Variants in SRP68 observed in about 807,000 individuals in gnomAD.
SRP68 encodes signal recognition particle 68.
A neutral mutation model predicts 82.2 loss-of-function variants in SRP68; 15 were observed. That is an observed-to-expected ratio of 0.18 (90% CI 0.12 to 0.28). The LOEUF is 0.28. Ranked by LOEUF, SRP68 falls within the 10% of genes least tolerant of loss-of-function variation. SRP68 has a pLI of 1.00. For synonymous variants in SRP68, 261 were observed against 292.6 expected, an observed-to-expected ratio of 0.89 and a Z score of 1.10; for missense variants, 595 against 780.5, an observed-to-expected ratio of 0.76 and a Z score of 2.83.
At position 76,070,359 on chromosome 17, in the gene SRP68, T is replaced by C. The variant is rs781175645; in HGVS notation, c.251+19A>G. The C allele has an allele frequency of 2.5e-6, 4 of 1,606,148 alleles. No individual in the cohort carries two copies. Among genetic ancestry groups the C allele is most frequent in the Non-Finnish European group, 1.7e-6 (2 of 1,173,124 alleles). ...CAAGTCCCACAATGATTTCCAAACATCTTGTATGTGATACTAACCTGTACC... is the reference window on the plus strand; with the variant it reads ...CAAGTCCCACAATGATTTCCAAACACCTTGTATGTGATACTAACCTGTACC... On this transcript the variant is annotated intron_variant, in intron 2 of 15. Transcript: ENST00000307877.
intron 12 of SRP68, 81 bp downstream of exon 12, chr17:76,045,211 T>C: frequency 1.1e-5 from 12 of 1,073,820 alleles, no homozygotes; most frequent in Non-Finnish European, 1.7e-5. Flanking sequence ...AACGGTCCCA[T>C]CTGCTGTGGG....
At chr17:76,060,873 T>G (rs1265991398) in intron 6 of SRP68, 1 of 488,256 alleles carries the variant, frequency 2.0e-6, no homozygotes, top group Non-Finnish European at 3.6e-6. Flanking sequence ...GACTCAAGAC[T>G]GCTCTTCGGG....
At chr17:76,060,648 G>A (rs1598266539) in intron 6 of SRP68, 4 of 420,992 alleles carry the variant, frequency 9.5e-6, no homozygotes, top group East Asian at 8.4e-5. Context: ...AACATCAAGC[G>A]TGAACCCTGA....
chr17:76,053,543 T>G, intron 8 of SRP68: 1 of 985,396 alleles, frequency 1.0e-6, no homozygotes, highest in Non-Finnish European at 1.2e-6. Flanking sequence ...TCCCTTTAAC[T>G]AAGCCTCTGC....
Position 76,059,037 on chromosome 17 carries a change from C to T in SRP68, c.837+1271G>A, listed in dbSNP as rs530441901. Among the ~76,000 whole-genome samples the T allele has an allele frequency of 9.9e-5, 15 of 152,082 alleles. No homozygotes were observed. In the East Asian group the frequency reaches 2.5e-3, roughly 26 times the overall value. On this transcript the variant is annotated intron_variant, in intron 7 of 15. Coordinates refer to ENST00000307877, the MANE Select transcript of SRP68 (RefSeq NM_014230.4). ...AACAGATTGCTTGAGCGCAGGAGTT[C>T]GAGAATGAGACCAGCCTGGGAAACA...
intron 2 of SRP68, among the ~76,000 whole-genome samples, chr17:76,068,737 G>A (rs572251478): frequency 6.6e-6 from 1 of 151,934 alleles, no homozygotes; most frequent in South Asian, 2.1e-4. Flanking sequence ...TCACATAGTT[G>A]TCCACTAATA....
At chr17:76,059,995 A>G (rs2066739799) in intron 7 of SRP68, among the ~76,000 whole-genome samples, 1 of 150,126 alleles carries the variant, frequency 6.7e-6, no homozygotes, top group Admixed American at 6.7e-5. Context: ...GCATGGTGGC[A>G]GGCGGCTGTA....
At position 76,063,385 on chromosome 17, in the gene SRP68, T is replaced by G. The variant is rs143205205; in HGVS notation, c.561+591A>C. The stretch of plus-strand genomic sequence containing the variant: ...CTATATATCAAAACATGACCTTTCT[T>G]AAAAAGTTACAGCTAGATGGCCACG... On this transcript the variant is annotated intron_variant, in intron 4 of 15. Transcript: ENST00000307877. 1.7e-4 allele frequency among the ~76,000 whole-genome samples: 26 copies of G among 152,260 alleles called. No individual in the cohort carries two copies. The East Asian group carries it at 4.2e-3, about 25-fold the overall frequency.
chr17:76,072,201 C>T lies in SRP68; in HGVS notation c.184+107G>A, dbSNP rs2066858358. On this transcript the variant is annotated intron_variant, in intron 1 of 15. Transcript: ENST00000307877. The surrounding 1 kb of genome is among the most constrained non-coding windows in gnomAD (Gnocchi z 4.5). ...GGTAAGGGCGAGAGAAACTGCAACC[C>T]TCGGCCTCTCCTGCCAGGACTTGTC... 1 of 1,575,190 alleles carries T rather than the reference C, an allele frequency of 6.3e-7. No homozygotes were observed. The highest frequency in any genetic ancestry group is 1.4e-5 in the African/African-American group (1 of 71,762).
intron 8 of SRP68, among the ~76,000 whole-genome samples, chr17:76,053,903 G>A (rs1462371838): frequency 6.6e-6 from 1 of 152,206 alleles, no homozygotes; most frequent in Admixed American, 6.6e-5. Flanking sequence ...CGCAGAGGCA[G>A]GATTCCTGGC....
In SRP68 at chr17:76,062,735, A is replaced by AT. The variant is rs2066773231; in HGVS notation, c.562-1162dup. Among the ~76,000 whole-genome samples the AT allele has an allele frequency of 9.9e-4, 18 of 18,242 alleles. 4 individuals are homozygous for AT. Among genetic ancestry groups the AT allele is most frequent in the African/African-American group, 6.8e-3 (14 of 2,068 alleles). 12.0% of individuals were successfully genotyped at this position (18,242 alleles called of 152,430 possible). A position where few individuals can be genotyped will look rare whatever the true frequency, so the allele number is the denominator to read the frequency against. The stretch of plus-strand genomic sequence containing the variant: ...ACAATATATTATATTTATTTTATAT[A>AT]TATATATATATATATATATATATAT... On this transcript the variant is annotated intron_variant, in intron 4 of 15. Transcript: ENST00000307877.
At chr17:76,059,683 A>G (rs2066736845) in intron 7 of SRP68, among the ~76,000 whole-genome samples, 1 of 151,678 alleles carries the variant, frequency 6.6e-6, no homozygotes, top group African/African-American at 2.4e-5. Flanking sequence ...ACAGTGGCTC[A>G]TGCCTGTAAT....
chr17:76,058,804 G>A (rs923724296), intron 7 of SRP68, among the ~76,000 whole-genome samples: 7 of 152,152 alleles, frequency 4.6e-5, no homozygotes, highest in African/African-American at 9.7e-5. Context: ...TTATCCTAAG[G>A]AAATAATCAA....
At chr17:76,048,698 T>G (rs1054695355) in intron 9 of SRP68, 2 of 152,368 alleles carry the variant, frequency 1.3e-5, no homozygotes, top group Non-Finnish European at 1.5e-5. Flanking sequence ...CACAGCCCTG[T>G]GAACCCACTA....
Position 76,072,251 on chromosome 17 carries a change from C to G in SRP68, c.184+57G>C. On this transcript the variant is annotated intron_variant, in intron 1 of 15. Coordinates refer to ENST00000307877, the MANE Select transcript of SRP68 (RefSeq NM_014230.4). This position sits in a 1 kb window ranked among gnomAD's most constrained non-coding sequence, Gnocchi z 4.5. ...CGGGACCCGCCGCCTCTCCCGCCCC[C>G]AGCCCTCCAGTTCGACACGTAATCA... is the stretch of plus-strand genomic sequence containing the variant. 6.2e-7 allele frequency: 1 copy of G among 1,602,212 alleles called. No homozygotes were observed. The highest frequency in any genetic ancestry group is 1.7e-5 in the Admixed American group (1 of 57,934).
intron 10 of SRP68, 58 bp from the exon 11 acceptor site, chr17:76,046,252 G>A: frequency 1.9e-6 from 3 of 1,587,484 alleles, no homozygotes; most frequent in Non-Finnish European, 2.6e-6. Context: ...GAACTGGGAG[G>A]ACTGGACTAC....
intron 2 of SRP68, among the ~76,000 whole-genome samples, chr17:76,068,236 G>A (rs2066821800): frequency 6.6e-6 from 1 of 151,818 alleles, no homozygotes; most frequent in Non-Finnish European, 1.5e-5. Flanking sequence ...GGGTTGCGTT[G>A]AGCCAAGATT....
chr17:76,053,281 A>G (rs996048866), intron 8 of SRP68, among the ~76,000 whole-genome samples: 49 of 151,598 alleles, frequency 3.2e-4, no homozygotes, highest in Non-Finnish European at 5.9e-4. Context: ...AAAAAAAAAA[A>G]AAAAGAAACA....
Position 76,048,158 on chromosome 17 carries a change from C to T in SRP68, c.1078-188G>A, listed in dbSNP as rs115558813. On this transcript the variant is annotated intron_variant, in intron 9 of 15. Coordinates refer to ENST00000307877, the MANE Select transcript of SRP68 (RefSeq NM_014230.4). ...AATGACAGTGGCACTCAAGTTGCCA[C>T]TGGCATCTAAAAATTGACCTCAAAT... 6.8e-3 allele frequency: 2,111 copies of T among 311,762 alleles called. 30 individuals carry two copies. Among genetic ancestry groups the T allele is most frequent in the African/African-American group, 0.04 (1,816 of 45,826 alleles). The allele number at this position is 311,762 out of a possible 1,614,324, so 19.3% of individuals were successfully genotyped here. A position where few individuals can be genotyped will look rare whatever the true frequency, so the allele number is the denominator to read the frequency against.
Sources: allele counts gnomAD v4.1 joint callset (sites outside exome capture counted in the v4.1 genomes callset), GRCh38; gene constraint gnomAD v4.1.1; non-coding constraint Gnocchi (gnomAD v3.1); transcripts MANE v1.5; gene names NCBI Gene and HGNC (gene_info 2026-07-23, HGNC 2026-07-21).